MTSS2: variants seen among roughly 807,000 people sequenced by gnomAD.
The protein encoded by MTSS2 is MTSS I-BAR domain containing 2.
A neutral mutation model predicts 67.1 loss-of-function variants in MTSS2; 27 were observed. That is an observed-to-expected ratio of 0.40 (90% CI 0.30 to 0.55). MTSS2 has a LOEUF of 0.55. MTSS2 is among the 20% of genes least tolerant of loss of function. MTSS2 has a pLI of 0.43. For missense variants in MTSS2, 1,171 were observed against 1,067.8 expected, an observed-to-expected ratio of 1.10 and a Z score of -1.35; for synonymous variants, 624 against 468.6, an observed-to-expected ratio of 1.33 and a Z score of -4.28.
intron 11 of MTSS2, among the ~76,000 whole-genome samples, chr16:70,673,333 C>A (rs761266757): frequency 2.6e-5 from 4 of 152,150 alleles, no homozygotes; most frequent in African/African-American, 7.2e-5. Context: ...GACTCAGATT[C>A]CTCAGAAAGA....
Position 70,685,796 on chromosome 16 carries a change from T to C in MTSS2, c.-5A>G. 1 of 1,292,110 alleles carries C rather than the reference T, an allele frequency of 7.7e-7. No homozygotes were observed. Among genetic ancestry groups the C allele is most frequent in the South Asian group, 1.5e-5 (1 of 68,054 alleles). 80.0% of individuals were successfully genotyped at this position (1,292,110 alleles called of 1,614,324 possible). On this transcript the variant is annotated 5_prime_UTR_variant, in exon 1 of 15. Transcript: ENST00000338779. ...CTCCTTCTCCGCCGTCTCCATGCTC[T>C]GGCTGGGCCGGGCCGCGGCGGCGGC...
At chr16:70,672,053 T>A (rs1235199956) in intron 11 of MTSS2, among the ~76,000 whole-genome samples, 1 of 151,994 alleles carries the variant, frequency 6.6e-6, no homozygotes, top group Non-Finnish European at 1.5e-5. Flanking sequence ...CACGAAACAC[T>A]ATGTAGGGTC....
At chr16:70,682,048 G>A (rs1477730069) in intron 1 of MTSS2, among the ~76,000 whole-genome samples, 12 of 152,210 alleles carry the variant, frequency 7.9e-5, no homozygotes, top group Admixed American at 5.2e-4. Flanking sequence ...TCAGAGGGAG[G>A]CTCTGCCTGG....
chr16:70,678,936 G>T (rs997058116), intron 7 of MTSS2, among the ~76,000 whole-genome samples: 2 of 152,196 alleles, frequency 1.3e-5, no homozygotes, highest in Non-Finnish European at 2.9e-5. Flanking sequence ...CAGCAACAGC[G>T]ACACAAGAAG....
rs200631200 is a variant in MTSS2, at chr16:70,685,716, C to T, written c.69+7G>A. 23 of 1,330,894 alleles carry T rather than the reference C, an allele frequency of 1.7e-5. No homozygotes were observed. In the African/African-American group the frequency reaches 2.5e-4, roughly 14 times the overall value. The allele number at this position is 1,330,894 out of a possible 1,614,324, so 82.4% of individuals were successfully genotyped here. ...CCGCGCGCCCGGCCCCGCCGCGCCC[C>T]GGTTACCTTCATGTCGTTGACTATG... On this transcript the variant is annotated splice_region_variant and intron_variant, in intron 1 of 14. Coordinates refer to ENST00000338779, the MANE Select transcript of MTSS2 (RefSeq NM_138383.3).
At chr16:70,665,190 G>A (rs543552113) in intron 12 of MTSS2, 94 bp from the exon 13 acceptor site, 41 of 1,378,672 alleles carry the variant, frequency 3.0e-5, no homozygotes, top group African/African-American at 2.0e-4. Context: ...GGGTGTCCAG[G>A]GCTATCAGGG....
At chr16:70,665,753 A>T in intron 11 of MTSS2, 1 of 489,692 alleles carries the variant, frequency 2.0e-6, no homozygotes, top group Non-Finnish European at 3.6e-6. Flanking sequence ...GTGAACGCTG[A>T]CCCACCTGAC....
Position 70,663,315 on chromosome 16 carries a change from G to C in MTSS2, c.*362C>G, listed in dbSNP as rs560488490. 1 of 256,466 alleles carries C rather than the reference G, an allele frequency of 3.9e-6. No individual in the cohort carries two copies. Among genetic ancestry groups the C allele is most frequent in the South Asian group, 9.3e-5 (1 of 10,752 alleles). 15.9% of individuals were successfully genotyped at this position (256,466 alleles called of 1,614,324 possible). A position where few individuals can be genotyped will look rare whatever the true frequency, so the allele number is the denominator to read the frequency against. On this transcript the variant is annotated 3_prime_UTR_variant, in exon 15 of 15. Transcript: ENST00000338779. ...AGCTGAGGCAGGACCAGCCCTGGGA[G>C]AGGCCGGGATGGTGAAAGGGAGGCC...
At position 70,661,593 on chromosome 16, in the gene MTSS2, C is replaced by G. The variant is rs564301861; in HGVS notation, c.*2084G>C. ...GATGTGGGATGGTTGGCTCGGATCCCGAGGTGGGTGGGCCTATGAGGTGGT... is the reference window on the plus strand; with the variant it reads ...GATGTGGGATGGTTGGCTCGGATCCGGAGGTGGGTGGGCCTATGAGGTGGT... On this transcript the variant is annotated 3_prime_UTR_variant, in exon 15 of 15. Coordinates refer to ENST00000338779, the MANE Select transcript of MTSS2 (RefSeq NM_138383.3). 4 of 349,978 alleles carry G rather than the reference C, an allele frequency of 1.1e-5. No individual in the cohort carries two copies. Among genetic ancestry groups the G allele is most frequent in the African/African-American group, 6.5e-5 (3 of 46,378 alleles). 21.7% of individuals were successfully genotyped at this position (349,978 alleles called of 1,614,324 possible). A position where few individuals can be genotyped will look rare whatever the true frequency, so the allele number is the denominator to read the frequency against.
chr16:70,680,918 G>GC, intron 2 of MTSS2, 46 bp downstream of exon 2: 7 of 1,097,914 alleles, frequency 6.4e-6, no homozygotes, highest in Non-Finnish European at 8.1e-6. Flanking sequence ...CGGGGGGGGG[G>GC]CCTCTGCCTG....
In MTSS2 at chr16:70,679,296, G is replaced by C; in HGVS notation, c.466+19C>G. 1 of 1,613,884 alleles carries C rather than the reference G, an allele frequency of 6.2e-7. No homozygotes were observed. The highest frequency in any genetic ancestry group is 8.5e-7 in the Non-Finnish European group (1 of 1,179,800). On this transcript the variant is annotated intron_variant, in intron 7 of 14. Coordinates refer to ENST00000338779, the MANE Select transcript of MTSS2 (RefSeq NM_138383.3). The stretch of plus-strand genomic sequence containing the variant: ...ACAAGGACGGGAGGAGCAGCTGGAG[G>C]GACCGACATTTGACTTACCAAGTAG...
rs971344858 is a variant in MTSS2, at chr16:70,661,494, G to A, written c.*2183C>T. The A allele has an allele frequency of 5.7e-6, 2 of 351,334 alleles. No homozygotes were observed. Among genetic ancestry groups the A allele is most frequent in the East Asian group, 7.9e-5 (1 of 12,696 alleles). 21.8% of individuals were successfully genotyped at this position (351,334 alleles called of 1,614,324 possible). A position where few individuals can be genotyped will look rare whatever the true frequency, so the allele number is the denominator to read the frequency against. ...AGGAAAGTTACTTCAGTCAAAAGAC[G>A]CTTTTGAAAAGAATATTTCTCCGTA... On this transcript the variant is annotated 3_prime_UTR_variant, in exon 15 of 15. Coordinates refer to ENST00000338779, the MANE Select transcript of MTSS2 (RefSeq NM_138383.3).
In MTSS2 at chr16:70,664,346, C is replaced by T; in HGVS notation, c.1575G>A (p.Gln525=). 1.3e-6 allele frequency: 2 copies of T among 1,598,300 alleles called. No individual in the cohort carries two copies. Among genetic ancestry groups the T allele is most frequent in the Non-Finnish European group, 1.7e-6 (2 of 1,174,256 alleles). The change falls in exon 15 of 15, where the codon CAG becomes CAA. Residue 525 remains glutamine (Q), a synonymous_variant. Coordinates refer to ENST00000338779, the MANE Select transcript of MTSS2 (RefSeq NM_138383.3). ...TGGTCTGGATCAGGCGGCGGTAGTT[C>T]TGGGCGATGTTGCTGTTGCGCGGGA... ...STIPRNSNIA[Q]NYRRLIQTKR...
In MTSS2 at chr16:70,674,546, G is replaced by A. The variant is rs1046148489; in HGVS notation, c.831-18C>T. On this transcript the variant is annotated intron_variant, in intron 10 of 14. Coordinates refer to ENST00000338779, the MANE Select transcript of MTSS2 (RefSeq NM_138383.3). Reference sequence around the variant, plus strand: ...TGGGGGCACTAGGGGAGTGAAGGAAGAGGGCACAGCAGCCAGACAGGGAGA... The same window carrying A: ...TGGGGGCACTAGGGGAGTGAAGGAAAAGGGCACAGCAGCCAGACAGGGAGA... 1.2e-6 allele frequency: 2 copies of A among 1,608,232 alleles called. No individual in the cohort carries two copies. Among genetic ancestry groups the A allele is most frequent in the African/African-American group, 2.7e-5 (2 of 74,852 alleles).
In MTSS2 at chr16:70,664,691, G is replaced by A. The variant is rs1335480110; in HGVS notation, c.1378C>T (p.Gln460Ter). The A allele has an allele frequency of 6.2e-7, 1 of 1,613,190 alleles. No homozygotes were observed. Among genetic ancestry groups the A allele is most frequent in the Non-Finnish European group, 8.5e-7 (1 of 1,179,872 alleles). Reference protein sequence around the residue: ...VLTRGLSLEHQKSSRDSLQYS... With the variant: ...VLTRGLSLEH The stretch of plus-strand genomic sequence containing the variant: ...TGCAGCGAGTCCCGGCTGCTCTTCT[G>A]GTGCTCCAGGCTCAGGCCCCGCGTC... The change falls in exon 14 of 15, where the codon CAG (glutamine) becomes TAG (stop). Residue 460 changes from glutamine (Q) to a stop codon, truncating the protein, a stop_gained. Transcript: ENST00000338779. LOFTEE classifies it high-confidence loss of function.
At chr16:70,678,163 A>T in intron 8 of MTSS2, 89 bp downstream of exon 8, 1 of 1,465,558 alleles carries the variant, frequency 6.8e-7, no homozygotes, top group Non-Finnish European at 9.1e-7. Flanking sequence ...CCAGCCAGGG[A>T]CTGCTGAGAA....
At chr16:70,668,878 G>C (rs924623081) in intron 11 of MTSS2, among the ~76,000 whole-genome samples, 1 of 152,112 alleles carries the variant, frequency 6.6e-6, no homozygotes, top group African/African-American at 2.4e-5. Context: ...CATTTCTGTA[G>C]TCTAAGCCAC....
chr16:70,666,650 G>A (rs568514342), intron 11 of MTSS2, among the ~76,000 whole-genome samples: 1 of 152,290 alleles, frequency 6.6e-6, no homozygotes, highest in East Asian at 1.9e-4. Context: ...CAAAATAAAA[G>A]GAAACCAGGC....
rs2052474042 is a variant in MTSS2, at chr16:70,661,624, AGTCGACGCAAGGGCGGCGGGGGTG to A, written c.*2029_*2052del. 7 of 341,844 alleles carry A rather than the reference AGTCGACGCAAGGGCGGCGGGGGTG, an allele frequency of 2.0e-5. No homozygotes were observed. The highest frequency in any genetic ancestry group is 1.6e-4 in the South Asian group (7 of 44,082). The allele number at this position is 341,844 out of a possible 1,614,324, so 21.2% of individuals were successfully genotyped here. On this transcript the variant is annotated 3_prime_UTR_variant, in exon 15 of 15. Coordinates refer to ENST00000338779, the MANE Select transcript of MTSS2 (RefSeq NM_138383.3). ...GGGTGGGCCTATGAGGTGGTTGCTA[AGTCGACGCAAGGGCGGCGGGGGTG>A]GTCTCAGGGATGGACAAGGGGATGG...
Sources: allele counts gnomAD v4.1 joint callset (sites outside exome capture counted in the v4.1 genomes callset), GRCh38; gene constraint gnomAD v4.1.1; transcripts MANE v1.5; gene names NCBI Gene and HGNC (gene_info 2026-07-23, HGNC 2026-07-21).